Variants in NRXN3 observed in about 807,000 individuals in gnomAD.
NRXN3 encodes neurexin III.
Under a neutral mutation model 137.6 loss-of-function variants are expected in NRXN3, and 32 were observed. The observed-to-expected ratio is 0.23, with a 90% CI of 0.18 to 0.31. The LOEUF is 0.31. Among genes scored for constraint, NRXN3 ranks in the 10% least tolerant of loss-of-function variants. The pLI is 1.00. For synonymous variants in NRXN3, 798 were observed against 784.5 expected (o/e 1.02, Z -0.29); for missense variants, 1,574 against 2,062.5 (o/e 0.76, Z 4.59).
intron 4 of NRXN3, among the ~76,000 whole-genome samples, chr14:78,644,787 G>A (rs1400003337): frequency 1.3e-5 from 2 of 152,316 alleles, no homozygotes; most frequent in East Asian, 3.9e-4. Flanking sequence ...AATTCCTGAA[G>A]CAAAAGCAAC....
intron 4 of NRXN3, among the ~76,000 whole-genome samples, chr14:78,354,990 G>A (rs1391918020): frequency 1.3e-5 from 2 of 152,258 alleles, no homozygotes; most frequent in East Asian, 3.9e-4. Context: ...GAAACCAGGA[G>A]ACCCTACCTT....
intron 4 of NRXN3, among the ~76,000 whole-genome samples, chr14:78,582,943 GGCGTACACAGGT>G (rs1318389855): frequency 6.6e-6 from 1 of 152,064 alleles, no homozygotes; most frequent in Non-Finnish European, 1.5e-5. Flanking sequence ...AAAATTCCCA[GGCGTACACAGGT>G]GTGTGTGTTT....
chr14:79,770,813 T>C (rs910410915), intron 19 of NRXN3, among the ~76,000 whole-genome samples: 1 of 151,444 alleles, frequency 6.6e-6, no homozygotes, highest in Non-Finnish European at 1.5e-5. Flanking sequence ...AAAAAACCCT[T>C]CAAAAAATTA....
chr14:78,566,138 C>T (rs916385790), intron 4 of NRXN3, among the ~76,000 whole-genome samples: 3 of 152,014 alleles, frequency 2.0e-5, no homozygotes, highest in Admixed American at 6.6e-5. Flanking sequence ...AAGCTCATGC[C>T]GGCTCTCCCA....
At chr14:79,465,453 A>C (rs1223374606) in intron 15 of NRXN3, among the ~76,000 whole-genome samples, 1 of 152,236 alleles carries the variant, frequency 6.6e-6, no homozygotes, top group Admixed American at 6.5e-5. Context: ...CAAATTGAGC[A>C]AATTGGAGCA....
At chr14:79,125,583 T>G (rs1406901910) in intron 15 of NRXN3, among the ~76,000 whole-genome samples, 1 of 152,182 alleles carries the variant, frequency 6.6e-6, no homozygotes, top group African/African-American at 2.4e-5. Context: ...CACCACTGGA[T>G]TGTTGCAATG....
intron 1 of NRXN3, among the ~76,000 whole-genome samples, chr14:78,191,894 C>G (rs2060768568): frequency 6.6e-6 from 1 of 152,108 alleles, no homozygotes. Context: ...GTGCCAACTC[C>G]TGGGTATCTG....
intron 16 of NRXN3, among the ~76,000 whole-genome samples, chr14:79,546,717 A>G (rs1306771921): frequency 2.0e-5 from 3 of 152,184 alleles, no homozygotes; most frequent in Non-Finnish European, 4.4e-5. Context: ...TTTCTTTTCC[A>G]CTAGATTTAC....
chr14:79,089,181 G>T lies in NRXN3; in HGVS notation c.3262+101040G>T, dbSNP rs1269330882. ...GCTGTTCACAAAGCCATGCAGGTAA[G>T]AGACATGTACCCCTTGCTTCAAAGT... On this transcript the variant is annotated intron_variant, in intron 15 of 20. Coordinates refer to ENST00000335750, the MANE Select transcript of NRXN3 (RefSeq NM_001330195.2). Among the ~76,000 whole-genome samples the T allele has an allele frequency of 2.0e-5, 3 of 152,148 alleles. No homozygotes were observed. The East Asian group carries it at 5.8e-4, about 29-fold the overall frequency.
intron 19 of NRXN3, among the ~76,000 whole-genome samples, chr14:79,728,949 G>T (rs2098909881): frequency 6.6e-6 from 1 of 152,180 alleles, no homozygotes; most frequent in Non-Finnish European, 1.5e-5. Flanking sequence ...CCTACTATGT[G>T]CCAGGTGCTA....
chr14:78,492,441 A>G (rs1204454226), intron 4 of NRXN3, among the ~76,000 whole-genome samples: 1 of 152,228 alleles, frequency 6.6e-6, no homozygotes, highest in Non-Finnish European at 1.5e-5. Flanking sequence ...CATATAAAGT[A>G]CTTAATAGTT....
intron 15 of NRXN3, among the ~76,000 whole-genome samples, chr14:79,307,344 G>T (rs532442784): frequency 6.6e-6 from 1 of 152,124 alleles, no homozygotes; most frequent in Non-Finnish European, 1.5e-5. Flanking sequence ...AATACCTTTA[G>T]TTACTTTATT....
chr14:78,171,105 G>A (rs906853366), intron 1 of NRXN3, among the ~76,000 whole-genome samples: 1 of 151,220 alleles, frequency 6.6e-6, no homozygotes, highest in Non-Finnish European at 1.5e-5. Flanking sequence ...TATTTGGGCT[G>A]GTTAAAATGA....
chr14:78,890,461 G>C (rs556780844), intron 10 of NRXN3, among the ~76,000 whole-genome samples: 1 of 151,942 alleles, frequency 6.6e-6, no homozygotes, highest in African/African-American at 2.4e-5. Context: ...AGGTTTAACT[G>C]TAGGTGGCCA....
chr14:79,733,680 T>G (rs2098932127), intron 19 of NRXN3, among the ~76,000 whole-genome samples: 2 of 151,866 alleles, frequency 1.3e-5, no homozygotes, highest in Non-Finnish European at 2.9e-5. Context: ...TGTTGTTTTT[T>G]TTTTTTTTAT....
intron 15 of NRXN3, among the ~76,000 whole-genome samples, chr14:79,283,757 C>A (rs2081698247): frequency 6.6e-6 from 1 of 151,872 alleles, no homozygotes; most frequent in Admixed American, 6.6e-5. Flanking sequence ...CTCTTCTGTT[C>A]ACCAGTCAGT....
At chr14:79,588,332 T>C (rs1387166435) in intron 16 of NRXN3, among the ~76,000 whole-genome samples, 1 of 152,232 alleles carries the variant, frequency 6.6e-6, no homozygotes, top group Non-Finnish European at 1.5e-5. Flanking sequence ...AATTGCACTT[T>C]TGTTTATGCA....
At chr14:79,797,918 C>A (rs1051693394) in intron 19 of NRXN3, among the ~76,000 whole-genome samples, 13 of 151,934 alleles carry the variant, frequency 8.6e-5, no homozygotes, top group Non-Finnish European at 1.9e-4. Flanking sequence ...CATGGCAAAA[C>A]CCTGTCTCTA....
At chr14:79,814,605 G>T (rs1272389226) in intron 20 of NRXN3, among the ~76,000 whole-genome samples, 5 of 152,126 alleles carry the variant, frequency 3.3e-5, no homozygotes, top group Non-Finnish European at 7.4e-5. Flanking sequence ...ATTATTTTTG[G>T]TATGATTAAA....
Sources: allele counts gnomAD v4.1 joint callset (sites outside exome capture counted in the v4.1 genomes callset), GRCh38; gene constraint gnomAD v4.1.1; transcripts MANE v1.5; gene names NCBI Gene and HGNC (gene_info 2026-07-23, HGNC 2026-07-21).